The following MAPKAP1 variants were observed in gnomAD, a reference collection of about 807,000 sequenced individuals.
MAPKAP1 encodes the protein target of rapamycin complex 2 subunit MAPKAP1.
In MAPKAP1, 20 loss-of-function variants were observed where a neutral mutation model predicts 65.7. The observed-to-expected ratio is 0.30, with a 90% confidence interval of 0.21 to 0.44. MAPKAP1 has a LOEUF of 0.44. Among genes scored for constraint, MAPKAP1 ranks in the 20% least tolerant of loss-of-function variants. The probability of loss-of-function intolerance (pLI) is 1.00; values close to 1 mark genes in which losing one functional copy is unlikely to be tolerated. For synonymous variants in MAPKAP1, 222 were observed against 244.3 expected, an observed-to-expected ratio of 0.91 and a Z score of 0.85; for missense variants, 423 against 648.0, an observed-to-expected ratio of 0.65 and a Z score of 3.77.
At chr9:125,699,250 C>T (rs1404933671) in intron 1 of MAPKAP1, among the ~76,000 whole-genome samples, 1 of 152,080 alleles carries the variant, frequency 6.6e-6, no homozygotes, top group Non-Finnish European at 1.5e-5. Flanking sequence ...CCTCTGTCAT[C>T]CAGGCTGGAG....
rs142779287 is a variant in MAPKAP1, at chr9:125,496,456, T to C, written c.1066+9854A>G. On this transcript the variant is annotated intron_variant, in intron 8 of 11. Transcript: ENST00000265960. ...ATTTGTAAATAAGAGTTTATTTGCA[T>C]GATCACATTTTCTTGTGTATTTGAA... 9.8e-5 allele frequency among the ~76,000 whole-genome samples: 15 copies of C among 152,350 alleles called. No homozygotes were observed. The East Asian group carries it at 2.9e-3, about 29-fold the overall frequency.
At chr9:125,524,178 C>T (rs1829699673) in intron 7 of MAPKAP1, among the ~76,000 whole-genome samples, 1 of 152,228 alleles carries the variant, frequency 6.6e-6, no homozygotes, top group Admixed American at 6.5e-5. Context: ...TTATAACAGC[C>T]ATTTAAGTTC....
intron 3 of MAPKAP1, among the ~76,000 whole-genome samples, chr9:125,662,578 G>C (rs1834218589): frequency 6.6e-6 from 1 of 152,108 alleles, no homozygotes; most frequent in Non-Finnish European, 1.5e-5. Context: ...AGCTACTCGG[G>C]AGGCTGAGGC....
At chr9:125,659,013 G>A (rs1417244462) in intron 3 of MAPKAP1, among the ~76,000 whole-genome samples, 1 of 152,140 alleles carries the variant, frequency 6.6e-6, no homozygotes, top group Non-Finnish European at 1.5e-5. Context: ...ACTTTGGAAA[G>A]GCAAGGTGGG....
chr9:125,514,915 A>C (rs1416278169), intron 7 of MAPKAP1, among the ~76,000 whole-genome samples: 11 of 152,104 alleles, frequency 7.2e-5, no homozygotes, highest in Admixed American at 3.3e-4. Context: ...CTCGGACCCA[A>C]CATCAGCTAT....
intron 8 of MAPKAP1, among the ~76,000 whole-genome samples, chr9:125,496,677 A>G (rs1323023385): frequency 6.6e-6 from 1 of 152,184 alleles, no homozygotes; most frequent in African/African-American, 2.4e-5. Flanking sequence ...GAGGGTCGGA[A>G]GCACACCAGG....
At chr9:125,547,343 GGA>G (rs1348208323) in intron 6 of MAPKAP1, among the ~76,000 whole-genome samples, 1 of 152,156 alleles carries the variant, frequency 6.6e-6, no homozygotes, top group African/African-American at 2.4e-5. Context: ...GCAGCATACT[GGA>G]GAGGAAAGGG....
chr9:125,552,889 C>T (rs1830623190), intron 6 of MAPKAP1, among the ~76,000 whole-genome samples: 1 of 152,042 alleles, frequency 6.6e-6, no homozygotes, highest in African/African-American at 2.4e-5. Context: ...GAGACACTGT[C>T]TCTAAAAATT....
chr9:125,506,019 A>G, intron 8 of MAPKAP1: 1 of 426,220 alleles, frequency 2.3e-6, no homozygotes, highest in Non-Finnish European at 4.3e-6. Context: ...ACTTCAGAAA[A>G]GGCCTCATGC....
At chr9:125,545,644 CG>C (rs1830401192) in intron 6 of MAPKAP1, among the ~76,000 whole-genome samples, 1 of 152,126 alleles carries the variant, frequency 6.6e-6, no homozygotes, top group South Asian at 2.1e-4. Flanking sequence ...CCAGCCAATA[CG>C]TTTATCTTTT....
chr9:125,480,147 T>C (rs1393335996), intron 9 of MAPKAP1, among the ~76,000 whole-genome samples: 1 of 152,106 alleles, frequency 6.6e-6, no homozygotes, highest in Non-Finnish European at 1.5e-5. Context: ...ATCTGCTTTG[T>C]AAGGAGGGAG....
chr9:125,640,808 T>A (rs1024672696), intron 4 of MAPKAP1, among the ~76,000 whole-genome samples: 1 of 152,208 alleles, frequency 6.6e-6, no homozygotes, highest in Non-Finnish European at 1.5e-5. Flanking sequence ...AGAACCAAGC[T>A]GGAAAAAGCT....
At chr9:125,643,761 A>G (rs1250733) in intron 4 of MAPKAP1, among the ~76,000 whole-genome samples, 136,509 of 152,158 alleles carry the variant, frequency 0.9, 62,024 homozygotes, top group East Asian at 1. Context: ...AAGTCTAAGG[A>G]CATATATATA....
chr9:125,635,708 G>A (rs1361400162), intron 4 of MAPKAP1, among the ~76,000 whole-genome samples: 2 of 152,214 alleles, frequency 1.3e-5, no homozygotes, highest in African/African-American at 2.4e-5. Context: ...GCTAAATGAT[G>A]TAAAGATGAT....
In MAPKAP1 at chr9:125,648,243, G is replaced by C. The variant is rs777924987; in HGVS notation, c.498+9408C>G. 6.6e-5 allele frequency among the ~76,000 whole-genome samples: 10 copies of C among 152,218 alleles called. No homozygotes were observed. In the South Asian group the frequency reaches 1.0e-3, roughly 16 times the overall value. ...TGAGCACCTCACTTTCTCTCTCTCA[G>C]CCTGTTCCCTCACCTGGAGCTAATA... is the stretch of plus-strand genomic sequence containing the variant. On this transcript the variant is annotated intron_variant, in intron 4 of 11. Coordinates refer to ENST00000265960, the MANE Select transcript of MAPKAP1 (RefSeq NM_001006617.3).
chr9:125,480,763 G>A (rs1459880987), intron 9 of MAPKAP1, among the ~76,000 whole-genome samples: 1 of 151,912 alleles, frequency 6.6e-6, no homozygotes, highest in African/African-American at 2.4e-5. Flanking sequence ...ACAAGGTCAG[G>A]AGATCGAGAC....
intron 7 of MAPKAP1, among the ~76,000 whole-genome samples, chr9:125,509,438 C>T (rs1239704334): frequency 6.6e-6 from 1 of 151,948 alleles, no homozygotes. Context: ...TAAATGAAGG[C>T]CACTTTTGTA....
At chr9:125,530,162 T>C (rs550783899) in intron 7 of MAPKAP1, among the ~76,000 whole-genome samples, 3 of 152,296 alleles carry the variant, frequency 2.0e-5, no homozygotes, top group East Asian at 3.9e-4. Flanking sequence ...GGTTTTTTCA[T>C]AGAAAGTAGC....
At chr9:125,522,024 T>C (rs1464736917) in intron 7 of MAPKAP1, among the ~76,000 whole-genome samples, 2 of 152,242 alleles carry the variant, frequency 1.3e-5, no homozygotes, top group Admixed American at 6.5e-5. Context: ...AATACAGTAG[T>C]TGTATGTACT....
Sources: allele counts gnomAD v4.1 joint callset (sites outside exome capture counted in the v4.1 genomes callset), GRCh38; gene constraint gnomAD v4.1.1; transcripts MANE v1.5; gene names NCBI Gene and HGNC (gene_info 2026-07-23, HGNC 2026-07-21).